Variants in PALLD observed in about 807,000 individuals in gnomAD.
The protein encoded by PALLD is palladin, cytoskeletal associated protein.
Under a neutral mutation model 123.5 loss-of-function variants are expected in PALLD, and 61 were observed. That is an observed-to-expected ratio of 0.49 (90% CI 0.40 to 0.61). PALLD has a LOEUF of 0.61. Among genes scored for constraint, PALLD ranks in the 20% least tolerant of loss-of-function variants. The probability of loss-of-function intolerance (pLI) is 0.00; values close to 1 mark genes in which losing one functional copy is unlikely to be tolerated. For missense variants in PALLD, 1,273 were observed against 1,377.0 expected (o/e 0.92, Z 1.20); for synonymous variants, 465 against 496.4 (o/e 0.94, Z 0.84).
At chr4:168,540,244 GATT>G (rs1256009092) in intron 2 of PALLD, among the ~76,000 whole-genome samples, 2 of 152,146 alleles carry the variant, frequency 1.3e-5, no homozygotes, top group East Asian at 3.9e-4. Flanking sequence ...ACTACTATCA[GATT>G]CCATCTCAAC....
At chr4:168,499,627 C>G (rs1380010958) in intron 1 of PALLD, among the ~76,000 whole-genome samples, 1 of 151,946 alleles carries the variant, frequency 6.6e-6, no homozygotes, top group Non-Finnish European at 1.5e-5. Flanking sequence ...AACAAAAGAT[C>G]CCCCTGCATG....
rs1366006393 is a variant in PALLD, at chr4:168,526,780, T to A, written c.908+14368T>A. Among the ~76,000 whole-genome samples the A allele has an allele frequency of 2.0e-5, 3 of 151,792 alleles. No homozygotes were observed. In the East Asian group the frequency reaches 5.8e-4, roughly 29 times the overall value. ...TTATCAGCCAAATAGAGTAAGTGGATCTTAGTTGATCAGAGCAGGAAACAA... is the reference window on the plus strand; with the variant it reads ...TTATCAGCCAAATAGAGTAAGTGGAACTTAGTTGATCAGAGCAGGAAACAA... On this transcript the variant is annotated intron_variant, in intron 2 of 21. Coordinates refer to ENST00000505667, the MANE Select transcript of PALLD (RefSeq NM_001166108.2).
At chr4:168,535,414 A>G (rs914302255) in intron 2 of PALLD, among the ~76,000 whole-genome samples, 8 of 152,204 alleles carry the variant, frequency 5.3e-5, no homozygotes, top group African/African-American at 1.7e-4. Context: ...ACTACAGTCT[A>G]TACTTTTTAA....
At chr4:168,591,740 C>G (rs1242332932) in intron 2 of PALLD, among the ~76,000 whole-genome samples, 5 of 151,940 alleles carry the variant, frequency 3.3e-5, no homozygotes, top group South Asian at 4.2e-4. Context: ...TGTAAAATTC[C>G]TGGCCTGAGA....
At chr4:168,858,958 G>A (rs996983856) in intron 10 of PALLD, among the ~76,000 whole-genome samples, 8 of 151,992 alleles carry the variant, frequency 5.3e-5, no homozygotes, top group Admixed American at 2.0e-4. Context: ...AAAAATAGTC[G>A]GTGCGTCTTA....
chr4:168,815,714 G>C (rs747012415), intron 10 of PALLD, among the ~76,000 whole-genome samples: 4 of 152,156 alleles, frequency 2.6e-5, no homozygotes, highest in African/African-American at 4.8e-5. Context: ...CCAGTAACAG[G>C]GCTGCAGGAA....
In PALLD at chr4:168,691,284, C is replaced by G. The variant is rs760963871; in HGVS notation, c.1493C>G (p.Ala498Gly). ...TGGCAAACAGAACCTAGATCTACAGCTGAACCTGGTAAGAATATTTTTAGG... is the reference window on the plus strand; with the variant it reads ...TGGCAAACAGAACCTAGATCTACAGGTGAACCTGGTAAGAATATTTTTAGG... ...RILQKKPRST[A>G]EPEEICTLVI... Residue 498 changes from alanine to glycine, a missense_variant, in exon 8 of 22, where the codon GCT becomes GGT. Physicochemically the swap from Ala to Gly is moderately conservative, Grantham distance 60 (BLOSUM62 0). Coordinates refer to ENST00000505667, the MANE Select transcript of PALLD (RefSeq NM_001166108.2). 6 of 1,607,952 alleles carry G rather than the reference C, an allele frequency of 3.7e-6. No individual in the cohort carries two copies. The highest frequency in any genetic ancestry group is 5.1e-6 in the Non-Finnish European group (6 of 1,176,766).
intron 1 of PALLD, among the ~76,000 whole-genome samples, chr4:168,501,263 A>G (rs540408139): frequency 6.6e-6 from 1 of 152,224 alleles, no homozygotes; most frequent in East Asian, 1.9e-4. Flanking sequence ...AATAAAAAAG[A>G]ATTAGCAGGA....
At chr4:168,753,911 A>G (rs1397656965) in intron 10 of PALLD, among the ~76,000 whole-genome samples, 2 of 152,214 alleles carry the variant, frequency 1.3e-5, no homozygotes, top group African/African-American at 2.4e-5. Context: ...AGAAACCATA[A>G]GAGACAGTTA....
intron 2 of PALLD, among the ~76,000 whole-genome samples, chr4:168,651,071 A>G (rs1263975518): frequency 6.6e-6 from 1 of 152,198 alleles, no homozygotes; most frequent in African/African-American, 2.4e-5. Flanking sequence ...TTGTAATTCC[A>G]AGATTGATGC....
chr4:168,501,133 C>G (rs750832587), intron 1 of PALLD, among the ~76,000 whole-genome samples: 1 of 152,074 alleles, frequency 6.6e-6, no homozygotes, highest in Non-Finnish European at 1.5e-5. Flanking sequence ...AATGAAATAG[C>G]CAGGCCTGGT....
intron 10 of PALLD, among the ~76,000 whole-genome samples, chr4:168,716,056 A>G (rs1437468184): frequency 6.6e-6 from 1 of 152,244 alleles, no homozygotes; most frequent in East Asian, 1.9e-4. Flanking sequence ...TGCCAAGCAT[A>G]TAGAAAGGCA....
At position 168,691,437 on chromosome 4, in the gene PALLD, A is replaced by G. The variant is rs145555496; in HGVS notation, c.1501+145A>G. On this transcript the variant is annotated intron_variant, in intron 8 of 21. Coordinates refer to ENST00000505667, the MANE Select transcript of PALLD (RefSeq NM_001166108.2). The stretch of plus-strand genomic sequence containing the variant: ...TCCCTGGAAATGTGAAACCCCCTTA[A>G]AAACAATATCTTCTTTATCATGGAG... The G allele has an allele frequency of 3.7e-4, 253 of 683,930 alleles. 2 individuals are homozygous for G. The African/African-American group carries it at 4.2e-3, about 11-fold the overall frequency. The allele number at this position is 683,930 out of a possible 1,614,324, so 42.4% of individuals were successfully genotyped here.
At chr4:168,510,037 GT>G (rs989644634) in intron 1 of PALLD, among the ~76,000 whole-genome samples, 1 of 152,182 alleles carries the variant, frequency 6.6e-6, no homozygotes, top group Non-Finnish European at 1.5e-5. Context: ...GTCCCACCAA[GT>G]TTACTCCTGA....
intron 2 of PALLD, among the ~76,000 whole-genome samples, chr4:168,567,955 A>G (rs1347192323): frequency 6.6e-6 from 1 of 152,120 alleles, no homozygotes; most frequent in African/African-American, 2.4e-5. Flanking sequence ...AGTTTTTTAA[A>G]AAAGAAGTGA....
chr4:168,605,734 T>C (rs1219930321), intron 2 of PALLD, among the ~76,000 whole-genome samples: 2 of 152,200 alleles, frequency 1.3e-5, no homozygotes, highest in Non-Finnish European at 2.9e-5. Flanking sequence ...CCACCCATGC[T>C]ATCACCTCTA....
At chr4:168,818,266 T>C (rs1456161709) in intron 10 of PALLD, among the ~76,000 whole-genome samples, 1 of 146,076 alleles carries the variant, frequency 6.8e-6, no homozygotes, top group African/African-American at 2.5e-5. Context: ...ACTAGTTGAC[T>C]TTTTTTTTTT....
At chr4:168,755,589 G>C (rs1731741727) in intron 10 of PALLD, among the ~76,000 whole-genome samples, 1 of 152,172 alleles carries the variant, frequency 6.6e-6, no homozygotes, top group South Asian at 2.1e-4. Context: ...TTCAATGCAT[G>C]ATGAGAAGCC....
At chr4:168,759,410 C>T (rs1732506668) in intron 10 of PALLD, among the ~76,000 whole-genome samples, 2 of 151,510 alleles carry the variant, frequency 1.3e-5, no homozygotes, top group East Asian at 3.9e-4. Flanking sequence ...ATTCAACTTG[C>T]TCTACTTGGC....
Sources: allele counts gnomAD v4.1 joint callset (sites outside exome capture counted in the v4.1 genomes callset), GRCh38; gene constraint gnomAD v4.1.1; transcripts MANE v1.5; gene names NCBI Gene and HGNC (gene_info 2026-07-23, HGNC 2026-07-21).